Variants in IFT22 observed in about 807,000 individuals in gnomAD.
The protein encoded by IFT22 is intraflagellar transport 22.
Under a neutral mutation model 21.0 loss-of-function variants are expected in IFT22, and 13 were observed. That is an observed-to-expected ratio of 0.62 (90% CI 0.40 to 0.98). The LOEUF (loss-of-function observed/expected upper bound fraction) is 0.98. Among genes scored for constraint, IFT22 ranks in the 50% least tolerant of loss-of-function variants. The pLI, the probability that IFT22 is intolerant of heterozygous loss-of-function variation, is 0.00. For missense variants in IFT22, 227 were observed against 228.9 expected (o/e 0.99, Z 0.06); for synonymous variants, 67 against 82.4 (o/e 0.81, Z 1.01).
chr7:101,316,771 A>G (rs953379518), intron 3 of IFT22, among the ~76,000 whole-genome samples: 1 of 151,954 alleles, frequency 6.6e-6, no homozygotes. Flanking sequence ...AAAATACAAA[A>G]AAGTTAGGGG....
chr7:101,315,425 G>A, intron 4 of IFT22, 143 bp from the exon 5 acceptor site: 2 of 875,918 alleles, frequency 2.3e-6, no homozygotes, highest in South Asian at 1.6e-5. Context: ...ACAGAGAATG[G>A]GTTTGCTATA....
At chr7:101,321,508 AC>A in intron 1 of IFT22, 162 bp downstream of exon 1, 1 of 661,210 alleles carries the variant, frequency 1.5e-6, no homozygotes. Context: ...GTCTGAAAGC[AC>A]CGAGTTCACG....
In IFT22 at chr7:101,312,005, CA is replaced by C. The variant is rs1789990932; in HGVS notation, c.*3128del. ...AAAAAATCTCCTAAGATGATTAAAA[CA>C]AACTTGCTTCTACAATAAACCGTAA... is the stretch of plus-strand genomic sequence containing the variant. On this transcript the variant is annotated 3_prime_UTR_variant, in exon 5 of 5. Coordinates refer to ENST00000315322, the MANE Select transcript of IFT22 (RefSeq NM_022777.4). Among the ~76,000 whole-genome samples, 1 of 152,070 alleles carries C rather than the reference CA, an allele frequency of 6.6e-6. No homozygotes were observed. The highest frequency in any genetic ancestry group is 2.4e-5 in the African/African-American group (1 of 41,402).
At position 101,311,994 on chromosome 7, in the gene IFT22, G is replaced by A. The variant is rs1450593439; in HGVS notation, c.*3140C>T. On this transcript the variant is annotated 3_prime_UTR_variant, in exon 5 of 5. Coordinates refer to ENST00000315322, the MANE Select transcript of IFT22 (RefSeq NM_022777.4). Reference sequence around the variant, plus strand: ...AAAACAACACAAAAAAATCTCCTAAGATGATTAAAACAAACTTGCTTCTAC... The same window carrying A: ...AAAACAACACAAAAAAATCTCCTAAAATGATTAAAACAAACTTGCTTCTAC... 2.0e-5 allele frequency among the ~76,000 whole-genome samples: 3 copies of A among 151,160 alleles called. No homozygotes were observed. Among genetic ancestry groups the A allele is most frequent in the Non-Finnish European group, 4.4e-5 (3 of 68,014 alleles).
chr7:101,315,639 G>GC (rs1339379260), intron 4 of IFT22: 4 of 261,784 alleles, frequency 1.5e-5, no homozygotes, highest in African/African-American at 2.3e-5. Flanking sequence ...CAGAAAGAGT[G>GC]CCCCCCTAGT....
At position 101,311,864 on chromosome 7, in the gene IFT22, C is replaced by T. The variant is rs922368382; in HGVS notation, c.*3270G>A. Among the ~76,000 whole-genome samples, 3 of 151,660 alleles carry T rather than the reference C, an allele frequency of 2.0e-5. No homozygotes were observed. Among genetic ancestry groups the T allele is most frequent in the Admixed American group, 1.3e-4 (2 of 15,190 alleles). On this transcript the variant is annotated 3_prime_UTR_variant, in exon 5 of 5. Coordinates refer to ENST00000315322, the MANE Select transcript of IFT22 (RefSeq NM_022777.4). ...CTCTACTAAAAATACAAAAATTAGC[C>T]GGGTGCAGTGGCAGGCACCTGTAAT... is the stretch of plus-strand genomic sequence containing the variant.
rs776150589 is a variant in IFT22 at position 101,312,086 on chromosome 7, T to C, written c.*3048A>G. On this transcript the variant is annotated 3_prime_UTR_variant, in exon 5 of 5. Transcript: ENST00000315322. ...AAATCTTTTGAACATGTTTACCAAT[T>C]TGGTGTTATGAAAAATTTTTTAGAG... Among the ~76,000 whole-genome samples the C allele has an allele frequency of 3.3e-5, 5 of 151,966 alleles. No homozygotes were observed. Among genetic ancestry groups the C allele is most frequent in the Non-Finnish European group, 7.4e-5 (5 of 67,994 alleles).
chr7:101,320,787 G>A (rs948958531), intron 1 of IFT22, among the ~76,000 whole-genome samples: 1 of 152,086 alleles, frequency 6.6e-6, no homozygotes, highest in Non-Finnish European at 1.5e-5. Flanking sequence ...AGGACTGTTT[G>A]AGCCCAAGAG....
At position 101,312,128 on chromosome 7, in the gene IFT22, G is replaced by A. The variant is rs1327311102; in HGVS notation, c.*3006C>T. 6.6e-6 allele frequency among the ~76,000 whole-genome samples: 1 copy of A among 152,070 alleles called. No individual in the cohort carries two copies. The highest frequency in any genetic ancestry group is 1.5e-5 in the Non-Finnish European group (1 of 68,018). The stretch of plus-strand genomic sequence containing the variant: ...TTTTTAGAGGTTGTGTATGGGCTGG[G>A]CACAATGACTCATGCCTGTAATCCC... On this transcript the variant is annotated 3_prime_UTR_variant, in exon 5 of 5. Transcript: ENST00000315322.
At chr7:101,319,916 A>G (rs1790281508) in intron 1 of IFT22, among the ~76,000 whole-genome samples, 1 of 151,794 alleles carries the variant, frequency 6.6e-6, no homozygotes, top group Non-Finnish European at 1.5e-5. Flanking sequence ...AAGTGCTGGC[A>G]GGTGTTAGCC....
intron 3 of IFT22, among the ~76,000 whole-genome samples, chr7:101,317,308 T>C (rs1475133163): frequency 6.6e-6 from 1 of 152,086 alleles, no homozygotes; most frequent in Non-Finnish European, 1.5e-5. Flanking sequence ...ACCACCGTAC[T>C]GGGCTAAGTT....
intron 1 of IFT22, among the ~76,000 whole-genome samples, chr7:101,320,766 A>G (rs1790318570): frequency 6.6e-6 from 1 of 152,064 alleles, no homozygotes; most frequent in Non-Finnish European, 1.5e-5. Flanking sequence ...ACTTTGAGAG[A>G]CTGAGGCGGG....
rs186108239 is a variant in IFT22, at chr7:101,312,221, T to G, written c.*2913A>C. Among the ~76,000 whole-genome samples the G allele has an allele frequency of 1.3e-5, 2 of 152,168 alleles. No homozygotes were observed. The highest frequency in any genetic ancestry group is 3.9e-4 in the East Asian group (2 of 5,162). On this transcript the variant is annotated 3_prime_UTR_variant, in exon 5 of 5. Transcript: ENST00000315322. Reference sequence around the variant, plus strand: ...GAGTTCGAGATCAGCTGGGGCAACATGGCAAAACCCCATCTCTACAAAAAG... The same window carrying G: ...GAGTTCGAGATCAGCTGGGGCAACAGGGCAAAACCCCATCTCTACAAAAAG...
At chr7:101,321,567 C>T in intron 1 of IFT22, 104 bp downstream of exon 1, 12 of 1,280,248 alleles carry the variant, frequency 9.4e-6, no homozygotes, top group Non-Finnish European at 1.3e-5. Context: ...GCCCGGGTTC[C>T]CGCCTCCGGG....
intron 2 of IFT22, 37 bp downstream of exon 2, chr7:101,318,919 G>T: frequency 6.5e-7 from 1 of 1,542,176 alleles, no homozygotes; most frequent in Non-Finnish European, 9.0e-7. Context: ...TGCCGAGCCA[G>T]TTGGACACTC....
At position 101,315,112 on chromosome 7, in the gene IFT22, G is replaced by A. The variant is rs1371642605; in HGVS notation, c.*22C>T. ...AACATGCTGATTTCACTGGGGATGT[G>A]GCAGTCCCAGGTGAAGGCTGGCTAG... On this transcript the variant is annotated 3_prime_UTR_variant, in exon 5 of 5. Transcript: ENST00000315322. 1 of 1,608,804 alleles carries A rather than the reference G, an allele frequency of 6.2e-7. No homozygotes were observed. The highest frequency in any genetic ancestry group is 1.7e-5 in the Admixed American group (1 of 59,652).
chr7:101,315,321 C>T (rs1447842889), intron 4 of IFT22, 39 bp from the exon 5 acceptor site: 1 of 1,609,378 alleles, frequency 6.2e-7, no homozygotes, highest in African/African-American at 1.3e-5. Flanking sequence ...CAAAGAGTTT[C>T]CATGAAGGGC....
rs559855126 is a variant in IFT22, at chr7:101,316,010, T to A, written c.409+330A>T. On this transcript the variant is annotated intron_variant, in intron 4 of 4. Transcript: ENST00000315322. ...CCGGTCTTTTCTCTTTTTTTTTTTT[T>A]TTTTTTGAGATGGTGTCTCGCCCTG... The A allele has an allele frequency of 1.5e-4, 28 of 188,874 alleles. 1 individual carries two copies. The highest frequency in any genetic ancestry group is 1.3e-3 in the Admixed American group (23 of 17,170). The allele number at this position is 188,874 out of a possible 1,614,324, so 11.7% of individuals were successfully genotyped here.
Position 101,311,040 on chromosome 7 carries a change from C to T in IFT22, c.*4094G>A. ...ATGGAGTCTCGCTCTGTCGCCCAGG[C>T]TGGAGTGCAGTGGCGGGACCTCGGC... On this transcript the variant is annotated 3_prime_UTR_variant, in exon 5 of 5. Coordinates refer to ENST00000315322, the MANE Select transcript of IFT22 (RefSeq NM_022777.4). The T allele has an allele frequency of 3.6e-6, 1 of 274,692 alleles. No homozygotes were observed. The highest frequency in any genetic ancestry group is 3.3e-5 in the South Asian group (1 of 29,938). The allele number at this position is 274,692 out of a possible 1,614,324, so 17.0% of individuals were successfully genotyped here.
Sources: allele counts gnomAD v4.1 joint callset (sites outside exome capture counted in the v4.1 genomes callset), GRCh38; gene constraint gnomAD v4.1.1; transcripts MANE v1.5; gene names NCBI Gene and HGNC (gene_info 2026-07-23, HGNC 2026-07-21).